The following CTNNA3 variants were observed in gnomAD, a reference collection of about 807,000 sequenced individuals.
CTNNA3 encodes the protein catenin alpha-3.
CTNNA3 carries 76 observed loss-of-function variants against 95.7 expected under a neutral mutation model. The ratio of observed to expected loss-of-function variants is 0.79; its 90% CI spans 0.66 to 0.96. The LOEUF is 0.96. Ranked by LOEUF, CTNNA3 falls within the 40% of genes least tolerant of loss-of-function variation. The pLI is 0.00. For missense variants in CTNNA3, 1,191 were observed against 1,089.8 expected, an observed-to-expected ratio of 1.09 and a Z score of -1.31; for synonymous variants, 431 against 374.4, an observed-to-expected ratio of 1.15 and a Z score of -1.74.
chr10:66,064,231 G>A lies in CTNNA3; in HGVS notation c.2159+5077C>T, dbSNP rs575207293. 2.8e-4 allele frequency among the ~76,000 whole-genome samples: 43 copies of A among 152,196 alleles called. 1 individual carries two copies. Among genetic ancestry groups the A allele is most frequent in the Non-Finnish European group, 4.3e-4 (29 of 68,022 alleles). On this transcript the variant is annotated intron_variant, in intron 15 of 17. Transcript: ENST00000433211. ...CTCCTGATAACTCGCTCACTATCAC[G>A]TGAACAGCATGGGGGAAACTGACGC...
At chr10:66,329,918 C>T (rs1283066931) in intron 12 of CTNNA3, among the ~76,000 whole-genome samples, 3 of 151,934 alleles carry the variant, frequency 2.0e-5, no homozygotes, top group African/African-American at 7.2e-5. Flanking sequence ...TCATCAGAAA[C>T]GTTCATATGA....
intron 13 of CTNNA3, among the ~76,000 whole-genome samples, chr10:66,274,947 T>A: frequency 6.6e-6 from 1 of 152,170 alleles, no homozygotes; most frequent in East Asian, 1.9e-4. Flanking sequence ...AGATATTATA[T>A]TTGTTTTGTT....
chr10:67,754,900 A>AAAAGAATACAT (rs1177430304), intron 1 of CTNNA3, among the ~76,000 whole-genome samples: 1 of 151,376 alleles, frequency 6.6e-6, no homozygotes, highest in Admixed American at 6.6e-5. Context: ...GACATTTCTC[A>AAAAGAATACAT]AAAGAATACA....
intron 7 of CTNNA3, among the ~76,000 whole-genome samples, chr10:66,835,628 CCA>C (rs1842861495): frequency 6.6e-6 from 1 of 152,166 alleles, no homozygotes; most frequent in Non-Finnish European, 1.5e-5. Context: ...CCACCACCAC[CCA>C]CTGTGGGTGC....
chr10:66,846,329 C>T (rs1843273530), intron 7 of CTNNA3, among the ~76,000 whole-genome samples: 1 of 152,052 alleles, frequency 6.6e-6, no homozygotes, highest in Admixed American at 6.5e-5. Flanking sequence ...TGTACAGTTG[C>T]TTATCAATGG....
intron 10 of CTNNA3, among the ~76,000 whole-genome samples, chr10:66,547,635 C>T (rs12780536): frequency 6.6e-6 from 1 of 151,780 alleles, no homozygotes; most frequent in African/African-American, 2.4e-5. Flanking sequence ...AGCCACTGCA[C>T]CCAGCCTGAT....
At chr10:66,305,976 T>C (rs2091928366) in intron 12 of CTNNA3, among the ~76,000 whole-genome samples, 1 of 152,198 alleles carries the variant, frequency 6.6e-6, no homozygotes, top group East Asian at 1.9e-4. Flanking sequence ...ATAGCGGCTT[T>C]TCCTATCCTG....
In CTNNA3 at chr10:67,321,806, G is replaced by T. The variant is rs144033519; in HGVS notation, c.580-101936C>A. ...TCTCACAGGCATTGCAAACTTGTAT[G>T]CAAAATTGAACTGTTTCACCCTACC... is the stretch of plus-strand genomic sequence containing the variant. On this transcript the variant is annotated intron_variant, in intron 5 of 17. Coordinates refer to ENST00000433211, the MANE Select transcript of CTNNA3 (RefSeq NM_013266.4). 2.8e-3 allele frequency among the ~76,000 whole-genome samples: 431 copies of T among 152,228 alleles called. 3 individuals are homozygous for T. The highest frequency in any genetic ancestry group is 9.9e-3 in the African/African-American group (411 of 41,532).
At chr10:67,732,885 C>T (rs544693472) in intron 1 of CTNNA3, among the ~76,000 whole-genome samples, 25 of 98,622 alleles carry the variant, frequency 2.5e-4, no homozygotes, top group Non-Finnish European at 4.2e-4. Flanking sequence ...CTCTCACTCA[C>T]GCACACACAC....
rs1286767908 is a variant in CTNNA3 at position 66,968,020 on chromosome 10, C to T, written c.1048-192496G>A. Reference sequence around the variant, plus strand: ...CTTTATATAAAAGTCTAAGTCTATACTAAAAGAAAAGAAATTTATACTCTG... The same window carrying T: ...CTTTATATAAAAGTCTAAGTCTATATTAAAAGAAAAGAAATTTATACTCTG... On this transcript the variant is annotated intron_variant, in intron 7 of 17. Transcript: ENST00000433211. 2.6e-5 allele frequency among the ~76,000 whole-genome samples: 4 copies of T among 152,070 alleles called. No homozygotes were observed. In the South Asian group the frequency reaches 6.2e-4, roughly 24 times the overall value.
intron 1 of CTNNA3, among the ~76,000 whole-genome samples, chr10:67,708,445 A>G (rs1048319050): frequency 6.6e-6 from 1 of 152,130 alleles, no homozygotes; most frequent in African/African-American, 2.4e-5. Flanking sequence ...CAGCTTTGAA[A>G]ATCACAATCA....
intron 7 of CTNNA3, among the ~76,000 whole-genome samples, chr10:66,875,754 T>C (rs1291316979): frequency 6.6e-6 from 1 of 152,206 alleles, no homozygotes; most frequent in Non-Finnish European, 1.5e-5. Context: ...GGCATGACAA[T>C]CCGATTCATG....
At chr10:66,116,373 T>A (rs937293552) in intron 13 of CTNNA3, among the ~76,000 whole-genome samples, 4 of 152,304 alleles carry the variant, frequency 2.6e-5, no homozygotes, top group African/African-American at 9.6e-5. Flanking sequence ...GTCATTCTAC[T>A]TGTTAGTATT....
chr10:66,470,290 C>A (rs146676812), intron 11 of CTNNA3, among the ~76,000 whole-genome samples: 4 of 151,678 alleles, frequency 2.6e-5, no homozygotes, highest in Non-Finnish European at 4.4e-5. Flanking sequence ...GGGGAACGCA[C>A]GAACAGGAAG....
intron 5 of CTNNA3, among the ~76,000 whole-genome samples, chr10:67,293,790 G>C (rs1003874039): frequency 1.3e-5 from 2 of 151,630 alleles, no homozygotes; most frequent in African/African-American, 4.8e-5. Flanking sequence ...CCTTGCGATA[G>C]TTTGCTGAGA....
At chr10:66,255,670 A>T (rs1362284316) in intron 13 of CTNNA3, among the ~76,000 whole-genome samples, 1 of 152,092 alleles carries the variant, frequency 6.6e-6, no homozygotes, top group Admixed American at 6.5e-5. Flanking sequence ...TCCTCCTCAT[A>T]TACTTGCACA....
intron 1 of CTNNA3, among the ~76,000 whole-genome samples, chr10:67,742,922 T>A (rs1195317848): frequency 2.0e-5 from 3 of 151,222 alleles, no homozygotes; most frequent in African/African-American, 7.3e-5. Flanking sequence ...TAAATTCCTC[T>A]ACGCATATAT....
At chr10:67,316,835 A>G (rs931161874) in intron 5 of CTNNA3, among the ~76,000 whole-genome samples, 5 of 152,176 alleles carry the variant, frequency 3.3e-5, no homozygotes, top group Admixed American at 6.5e-5. Context: ...TTAAATGCCT[A>G]TACTTCCAAA....
rs115222230 is a variant in CTNNA3, at chr10:66,313,094, T to C, written c.1733-32473A>G. 8.5e-3 allele frequency among the ~76,000 whole-genome samples: 1,297 copies of C among 152,298 alleles called. 13 individuals are homozygous for C. The highest frequency in any genetic ancestry group is 0.029 in the African/African-American group (1,225 of 41,556). On this transcript the variant is annotated intron_variant, in intron 12 of 17. Transcript: ENST00000433211. Reference sequence around the variant, plus strand: ...GAGAGAGTGTATCTTCCCCCTTCCTTATTTAAAATAATAAAACCTATCATT... The same window carrying C: ...GAGAGAGTGTATCTTCCCCCTTCCTCATTTAAAATAATAAAACCTATCATT...
Sources: allele counts gnomAD v4.1 joint callset (sites outside exome capture counted in the v4.1 genomes callset), GRCh38; gene constraint gnomAD v4.1.1; transcripts MANE v1.5; gene names NCBI Gene and HGNC (gene_info 2026-07-23, HGNC 2026-07-21).